Variants in METTL15 observed in about 807,000 individuals in gnomAD.
METTL15 encodes methyltransferase 15, mitochondrial 12S rRNA N4-cytidine, also known as 12S rRNA N(4)-cytidine methyltransferase METTL15.
METTL15 carries 34 observed loss-of-function variants against 38.3 expected under a neutral mutation model. The observed-to-expected ratio is 0.89, with a 90% CI of 0.68 to 1.18. METTL15 has a LOEUF of 1.18. METTL15 is among the 50% of genes most tolerant of loss of function. METTL15 has a pLI of 0.00. For synonymous variants in METTL15, 162 were observed against 170.9 expected, an observed-to-expected ratio of 0.95 and a Z score of 0.41; for missense variants, 438 against 498.4, an observed-to-expected ratio of 0.88 and a Z score of 1.15.
rs559025983 is a variant in METTL15 at position 28,287,553 on chromosome 11, A to G, written c.408-2653A>G. On this transcript the variant is annotated intron_variant, in intron 4 of 6. Transcript: ENST00000407364. ...TAACTTCGGAGCTCGGCCTAATAAG[A>G]ACCTCATTTGCCTCTCTTTCTGGCA... is the stretch of plus-strand genomic sequence containing the variant. 323 of 298,582 alleles carry G rather than the reference A, an allele frequency of 1.1e-3. 2 individuals carry two copies. The highest frequency in any genetic ancestry group is 6.4e-3 in the African/African-American group (284 of 44,282). The allele number at this position is 298,582 out of a possible 1,614,324, so 18.5% of individuals were successfully genotyped here. A position where few individuals can be genotyped will look rare whatever the true frequency, so the allele number is the denominator to read the frequency against.
intron 3 of METTL15, among the ~76,000 whole-genome samples, chr11:28,146,776 G>A (rs753733357): frequency 6.6e-6 from 1 of 151,854 alleles, no homozygotes; most frequent in East Asian, 1.9e-4. Flanking sequence ...TAGATGTTAC[G>A]TTTTACTTAA....
chr11:28,137,977 G>A (rs983466127), intron 3 of METTL15, among the ~76,000 whole-genome samples: 2 of 152,116 alleles, frequency 1.3e-5, no homozygotes, highest in Non-Finnish European at 2.9e-5. Context: ...TGGCCTCAGG[G>A]TGGTACCCTT....
chr11:28,129,932 A>G (rs562868608), intron 3 of METTL15, among the ~76,000 whole-genome samples: 1 of 152,224 alleles, frequency 6.6e-6, no homozygotes, highest in African/African-American at 2.4e-5. Flanking sequence ...CACTGAATAC[A>G]ATTTGATCAC....
At chr11:28,357,021 G>T (rs917805224) in intron 4 of METTL15, among the ~76,000 whole-genome samples, 15 of 152,142 alleles carry the variant, frequency 9.9e-5, no homozygotes, top group African/African-American at 3.6e-4. Context: ...GGCATATCCA[G>T]AACCTCACAG....
chr11:28,376,242 G>C (rs537334214), intron 5 of METTL15, among the ~76,000 whole-genome samples: 59 of 152,084 alleles, frequency 3.9e-4, no homozygotes, highest in Non-Finnish European at 1.3e-4. Flanking sequence ...CTGTCTCGTT[G>C]GTCTGTCTAA....
chr11:28,151,469 T>C (rs1850087107), intron 3 of METTL15, among the ~76,000 whole-genome samples: 1 of 151,960 alleles, frequency 6.6e-6, no homozygotes, highest in Non-Finnish European at 1.5e-5. Flanking sequence ...ACCAGGCCCA[T>C]TTTACCTCTT....
chr11:28,243,713 CATCTT>C (rs575332807), intron 4 of METTL15, among the ~76,000 whole-genome samples: 7 of 152,194 alleles, frequency 4.6e-5, no homozygotes, highest in South Asian at 2.1e-4. Context: ...GTTGAAAACT[CATCTT>C]AACTATGCAA....
chr11:28,491,566 T>C (rs1307494445), intron 6 of METTL15, among the ~76,000 whole-genome samples: 1 of 151,924 alleles, frequency 6.6e-6, no homozygotes, highest in African/African-American at 2.4e-5. Context: ...GTTGCAAAAA[T>C]AGAGGGGCAG....
intron 3 of METTL15, among the ~76,000 whole-genome samples, chr11:28,168,714 C>T (rs1850746799): frequency 1.3e-5 from 2 of 150,570 alleles, no homozygotes; most frequent in South Asian, 4.2e-4. Context: ...TACCCATATT[C>T]TCATGTACCT....
intron 5 of METTL15, among the ~76,000 whole-genome samples, chr11:28,411,683 A>G (rs1039062179): frequency 6.6e-6 from 1 of 151,964 alleles, no homozygotes; most frequent in Non-Finnish European, 1.5e-5. Context: ...CTTGACAATG[A>G]TTTTTTCTTT....
chr11:28,427,617 G>A (rs1399932889), intron 6 of METTL15, among the ~76,000 whole-genome samples: 1 of 152,084 alleles, frequency 6.6e-6, no homozygotes, highest in South Asian at 2.1e-4. Context: ...TTTGAGCAGT[G>A]GTTTGTAGTT....
At chr11:28,183,642 C>T (rs1405779843) in intron 3 of METTL15, among the ~76,000 whole-genome samples, 2 of 152,040 alleles carry the variant, frequency 1.3e-5, no homozygotes, top group Admixed American at 6.6e-5. Flanking sequence ...TTTCGATGTG[C>T]TGCTGGACTT....
intron 4 of METTL15, among the ~76,000 whole-genome samples, chr11:28,258,711 C>T (rs187841630): frequency 2.0e-5 from 3 of 152,222 alleles, no homozygotes; most frequent in Admixed American, 6.5e-5. Flanking sequence ...CCTTAAGGTA[C>T]GAGGGCTCTT....
intron 5 of METTL15, among the ~76,000 whole-genome samples, chr11:28,416,494 G>A (rs1040287607): frequency 6.6e-6 from 1 of 152,156 alleles, no homozygotes; most frequent in Non-Finnish European, 1.5e-5. Context: ...CTCACTCCAT[G>A]TAAAGGTTCT....
At chr11:28,407,107 T>C (rs1850680723) in intron 5 of METTL15, among the ~76,000 whole-genome samples, 1 of 152,090 alleles carries the variant, frequency 6.6e-6, no homozygotes, top group African/African-American at 2.4e-5. Context: ...TGAGGATTTT[T>C]GCATTGATGT....
intron 6 of METTL15, among the ~76,000 whole-genome samples, chr11:28,313,413 AT>A (rs1857373240): frequency 6.6e-6 from 1 of 152,014 alleles, no homozygotes; most frequent in Non-Finnish European, 1.5e-5. Context: ...ATAAATATGA[AT>A]TCATTATTAA....
chr11:28,405,134 T>C (rs908401908), intron 5 of METTL15, among the ~76,000 whole-genome samples: 3 of 152,164 alleles, frequency 2.0e-5, no homozygotes, highest in African/African-American at 7.2e-5. Flanking sequence ...CTCACAAAAC[T>C]AGCTAATGGC....
intron 4 of METTL15, 151 bp downstream of exon 4, chr11:28,211,349 T>G (rs1852634190): frequency 3.2e-6 from 2 of 632,150 alleles, no homozygotes; most frequent in Non-Finnish European, 4.9e-6. Flanking sequence ...TTAATGTAAG[T>G]GATGTTTTTA....
downstream of METTL15, among the ~76,000 whole-genome samples, chr11:28,531,908 G>A (rs1275424826): frequency 2.0e-5 from 3 of 151,974 alleles, no homozygotes; most frequent in African/African-American, 7.2e-5. Context: ...TATTGTGCCT[G>A]TGTATATTAA....
Sources: gnomAD v4.1 joint callset for allele counts (sites outside exome capture counted in the v4.1 genomes callset) on GRCh38, gnomAD v4.1.1 for gene constraint, MANE v1.5 for transcripts, NCBI Gene and HGNC (gene_info 2026-07-23, HGNC 2026-07-21) for gene names.